The following CCBE1 variants were observed in gnomAD, a reference collection of about 807,000 sequenced individuals.
The protein encoded by CCBE1 is collagen and calcium binding EGF domains 1, also known as collagen and calcium-binding EGF domain-containing protein 1.
CCBE1 carries 37 observed loss-of-function variants against 50.0 expected under a neutral mutation model. That is an observed-to-expected ratio of 0.74 (90% CI 0.57 to 0.97). The LOEUF (loss-of-function observed/expected upper bound fraction) is 0.97, where lower values mean the gene tolerates loss of function less well. Among genes scored for constraint, CCBE1 ranks in the 50% least tolerant of loss-of-function variants. The pLI is 0.00. For synonymous variants in CCBE1, 234 were observed against 203.7 expected, an observed-to-expected ratio of 1.15 and a Z score of -1.27; for missense variants, 538 against 523.8, an observed-to-expected ratio of 1.03 and a Z score of -0.26.
chr18:59,652,037 T>C (rs2054134253), intron 2 of CCBE1, among the ~76,000 whole-genome samples: 1 of 152,246 alleles, frequency 6.6e-6, no homozygotes. Context: ...CTCCCACCCT[T>C]CCCAGTCTCT....
intron 2 of CCBE1, among the ~76,000 whole-genome samples, chr18:59,585,498 T>C (rs1438944194): frequency 6.6e-6 from 1 of 152,146 alleles, no homozygotes; most frequent in Non-Finnish European, 1.5e-5. Flanking sequence ...AGAAAATAAC[T>C]GGTGGATGAG....
chr18:59,538,098 G>A (rs1003802718), intron 2 of CCBE1, among the ~76,000 whole-genome samples: 2 of 152,176 alleles, frequency 1.3e-5, no homozygotes, highest in African/African-American at 2.4e-5. Flanking sequence ...ATAAGATAAT[G>A]CACCTAAAGA....
chr18:59,679,380 T>G (rs2054554899), intron 2 of CCBE1, among the ~76,000 whole-genome samples: 1 of 152,214 alleles, frequency 6.6e-6, no homozygotes, highest in South Asian at 2.1e-4. Context: ...GTTGTTTTTC[T>G]GTGTGATAAT....
At chr18:59,519,435 T>A (rs561728325) in intron 2 of CCBE1, among the ~76,000 whole-genome samples, 2 of 152,346 alleles carry the variant, frequency 1.3e-5, no homozygotes, top group African/African-American at 2.4e-5. Context: ...AAGTTACAAC[T>A]AATGGAAATT....
intron 9 of CCBE1, among the ~76,000 whole-genome samples, chr18:59,439,175 T>C (rs563702400): frequency 6.6e-6 from 1 of 152,220 alleles, no homozygotes; most frequent in African/African-American, 2.4e-5. Flanking sequence ...TAGTCCCAGC[T>C]ACTCGGGAGG....
chr18:59,618,104 A>G (rs2053661067), intron 2 of CCBE1, among the ~76,000 whole-genome samples: 1 of 152,172 alleles, frequency 6.6e-6, no homozygotes, highest in Non-Finnish European at 1.5e-5. Context: ...CCCCATAACG[A>G]TGGATTAACG....
chr18:59,488,556 C>T (rs760471304), intron 2 of CCBE1, among the ~76,000 whole-genome samples: 6 of 152,090 alleles, frequency 3.9e-5, no homozygotes, highest in African/African-American at 7.2e-5. Context: ...AGGCCGCAAG[C>T]GATGATCTTT....
intron 2 of CCBE1, among the ~76,000 whole-genome samples, chr18:59,591,245 C>CAAA (rs58325003): frequency 0.012 from 26 of 2,118 alleles, 9 homozygotes; most frequent in East Asian, 0.05. Context: ...GACTCCGTCT[C>CAAA]AAAAAAAAAA....
chr18:59,505,894 A>G (rs1913849916), intron 2 of CCBE1, among the ~76,000 whole-genome samples: 1 of 152,210 alleles, frequency 6.6e-6, no homozygotes, highest in African/African-American at 2.4e-5. Flanking sequence ...AATTAGGGTA[A>G]TTTAAAGAAG....
intron 3 of CCBE1, among the ~76,000 whole-genome samples, chr18:59,473,271 C>T (rs569264175): frequency 2.0e-5 from 3 of 152,212 alleles, no homozygotes; most frequent in South Asian, 4.2e-4. Context: ...GAAAACTTTG[C>T]CTCAGAATTT....
At chr18:59,531,178 C>T (rs539229090) in intron 2 of CCBE1, among the ~76,000 whole-genome samples, 3 of 152,212 alleles carry the variant, frequency 2.0e-5, no homozygotes, top group Non-Finnish European at 2.9e-5. Flanking sequence ...TTCCCCAAAT[C>T]AGCTTGTTGG....
At chr18:59,693,864 CTTTTTTTTTTTTT>C (rs11410421) in intron 2 of CCBE1, among the ~76,000 whole-genome samples, 5 of 70,770 alleles carry the variant, frequency 7.1e-5, no homozygotes, top group South Asian at 6.8e-4. Flanking sequence ...AAAGGAAAGC[CTTTTTTTTTTTTT>C]TTTTTTTTTT....
chr18:59,624,365 C>A (rs1398909830), intron 2 of CCBE1, among the ~76,000 whole-genome samples: 1 of 152,138 alleles, frequency 6.6e-6, no homozygotes, highest in Non-Finnish European at 1.5e-5. Flanking sequence ...ATTGAGGGGA[C>A]AGCTGGGGGG....
At chr18:59,493,023 T>C (rs1210596221) in intron 2 of CCBE1, among the ~76,000 whole-genome samples, 3 of 152,244 alleles carry the variant, frequency 2.0e-5, no homozygotes, top group Non-Finnish European at 4.4e-5. Context: ...CTGCTGCAGT[T>C]CACTGTATAA....
rs118015916 is a variant in CCBE1, at chr18:59,472,498, A to G, written c.266-2891T>C. On this transcript the variant is annotated intron_variant, in intron 3 of 10. Coordinates refer to ENST00000439986, the MANE Select transcript of CCBE1 (RefSeq NM_133459.4). ...ATTTTGCGAATCTCTTCTTATAGAC[A>G]TTTTTTCAAATTAATCTCAACTTGC... 3.9e-4 allele frequency among the ~76,000 whole-genome samples: 60 copies of G among 152,306 alleles called. 1 individual carries two copies. In the East Asian group the frequency reaches 8.3e-3, roughly 21 times the overall value.
chr18:59,645,445 T>G (rs887194445), intron 2 of CCBE1, among the ~76,000 whole-genome samples: 2 of 152,210 alleles, frequency 1.3e-5, no homozygotes, highest in African/African-American at 4.8e-5. Context: ...TAAAACTACC[T>G]GTTTCCCTTC....
At chr18:59,593,873 T>C (rs961879863) in intron 2 of CCBE1, among the ~76,000 whole-genome samples, 2 of 152,238 alleles carry the variant, frequency 1.3e-5, no homozygotes, top group African/African-American at 4.8e-5. Flanking sequence ...ATCAAGTAGC[T>C]GTAGGTCTCA....
intron 2 of CCBE1, among the ~76,000 whole-genome samples, chr18:59,688,858 A>G (rs1242908286): frequency 6.6e-6 from 1 of 152,214 alleles, no homozygotes; most frequent in Non-Finnish European, 1.5e-5. Context: ...TGACCCAAAG[A>G]TGAAGATGAG....
At chr18:59,611,216 A>T (rs1352766683) in intron 2 of CCBE1, among the ~76,000 whole-genome samples, 1 of 152,172 alleles carries the variant, frequency 6.6e-6, no homozygotes, top group African/African-American at 2.4e-5. Context: ...ATTAAGTATC[A>T]CTCAGCTTCT....
Sources: gnomAD v4.1 joint callset for allele counts (sites outside exome capture counted in the v4.1 genomes callset) on GRCh38, gnomAD v4.1.1 for gene constraint, MANE v1.5 for transcripts, NCBI Gene and HGNC (gene_info 2026-07-23, HGNC 2026-07-21) for gene names.